The following AGPAT3 variants were observed in gnomAD, a reference collection of about 807,000 sequenced individuals.
AGPAT3 encodes 1-acylglycerol-3-phosphate O-acyltransferase 3.
In AGPAT3, 5 loss-of-function variants were observed where a neutral mutation model predicts 47.3. The observed-to-expected ratio is 0.11, with a 90% CI of 0.06 to 0.22. The LOEUF is 0.22. Ranked by LOEUF, AGPAT3 falls within the 10% of genes least tolerant of loss-of-function variation. The pLI is 1.00. For missense variants in AGPAT3, 315 were observed against 493.0 expected, an observed-to-expected ratio of 0.64 and a Z score of 3.42; for synonymous variants, 212 against 208.3, an observed-to-expected ratio of 1.02 and a Z score of -0.15.
intron 3 of AGPAT3, among the ~76,000 whole-genome samples, chr21:43,963,161 C>T (rs1251761870): frequency 2.0e-5 from 3 of 152,112 alleles, no homozygotes; most frequent in Non-Finnish European, 4.4e-5. Context: ...CATCCAGTGA[C>T]AGTAAAGGAG....
chr21:43,904,928 G>A (rs1044894154), intron 2 of AGPAT3, among the ~76,000 whole-genome samples: 12 of 152,168 alleles, frequency 7.9e-5, no homozygotes, highest in Admixed American at 4.6e-4. Context: ...GTAGGCAGGT[G>A]ATTTAGCCTT....
intron 1 of AGPAT3, among the ~76,000 whole-genome samples, chr21:43,885,954 C>T (rs998321455): frequency 3.9e-5 from 6 of 152,204 alleles, no homozygotes; most frequent in Admixed American, 2.6e-4. Context: ...CAGCAGCTGA[C>T]AGGAGGGAAG....
chr21:43,892,547 G>A (rs1171142002), intron 1 of AGPAT3, among the ~76,000 whole-genome samples: 1 of 152,192 alleles, frequency 6.6e-6, no homozygotes, highest in African/African-American at 2.4e-5. Context: ...CAGGTGTGCT[G>A]TCATCCAGGC....
chr21:43,892,975 A>G (rs781325145), intron 1 of AGPAT3, among the ~76,000 whole-genome samples: 1 of 152,196 alleles, frequency 6.6e-6, no homozygotes, highest in Non-Finnish European at 1.5e-5. Flanking sequence ...TGTGCCTGTC[A>G]TCTCAGCCTC....
intron 1 of AGPAT3, among the ~76,000 whole-genome samples, chr21:43,896,258 G>T (rs1380887829): frequency 6.6e-6 from 1 of 152,182 alleles, no homozygotes; most frequent in African/African-American, 2.4e-5. Flanking sequence ...ATAACTTTTT[G>T]TTACTTTTTT....
intron 1 of AGPAT3, among the ~76,000 whole-genome samples, chr21:43,897,843 T>C (rs1242253948): frequency 1.3e-5 from 2 of 152,204 alleles, no homozygotes; most frequent in Non-Finnish European, 2.9e-5. Flanking sequence ...CACTCCAGCC[T>C]GGGCAACATT....
chr21:43,902,863 G>A (rs1466977856), intron 1 of AGPAT3, among the ~76,000 whole-genome samples: 1 of 152,160 alleles, frequency 6.6e-6, no homozygotes, highest in Non-Finnish European at 1.5e-5. Context: ...ATCTGGGCAT[G>A]GTGGCATGCA....
In AGPAT3 at chr21:43,880,080, G is replaced by C. The variant is rs574713242; in HGVS notation, c.-112+14735G>C. The stretch of plus-strand genomic sequence containing the variant: ...AGCCCTGCATCCCTTGCGTCCCCAG[G>C]CATCTTAGGAGCACTGTGGAAACTC... On this transcript the variant is annotated intron_variant, in intron 1 of 9. Coordinates refer to ENST00000291572, the MANE Select transcript of AGPAT3 (RefSeq NM_020132.5). This position sits in a 1 kb window ranked among gnomAD's most constrained non-coding sequence, Gnocchi z 4.5. Among the ~76,000 whole-genome samples, 7 of 152,228 alleles carry C rather than the reference G, an allele frequency of 4.6e-5. No individual in the cohort carries two copies. Among genetic ancestry groups the C allele is most frequent in the African/African-American group, 1.2e-4 (5 of 41,456 alleles).
In AGPAT3 at chr21:43,987,222, C is replaced by T. The variant is rs1018941920; in HGVS notation, c.*4830C>T. ...AACCAGGGCCACCAGGCACTCCTGT[C>T]CCATGGGGCCACCCACCTTCAGAGC... On this transcript the variant is annotated 3_prime_UTR_variant, in exon 10 of 10. Transcript: ENST00000291572. Among the ~76,000 whole-genome samples, 10 of 152,244 alleles carry T rather than the reference C, an allele frequency of 6.6e-5. No homozygotes were observed. The highest frequency in any genetic ancestry group is 2.6e-4 in the Admixed American group (4 of 15,292).
chr21:43,968,193 A>G (rs1601451127), intron 4 of AGPAT3, 78 bp downstream of exon 4: 21 of 666,656 alleles, frequency 3.2e-5, no homozygotes, highest in South Asian at 8.0e-5. Context: ...GGACCCAGGG[A>G]GGGCCGGGGT....
In AGPAT3 at chr21:43,955,075, GC is replaced by G; in HGVS notation, c.-48-4558del. On this transcript the variant is annotated intron_variant, in intron 2 of 9. Coordinates refer to ENST00000291572, the MANE Select transcript of AGPAT3 (RefSeq NM_020132.5). The surrounding 1 kb of genome is among the most constrained non-coding windows in gnomAD (Gnocchi z 4.1). ...TGTGGCCCCCAAAGGCTGGGTGCCA[GC>G]TGCCTGTCGGCAGGGAGCGTATCAC... 1 of 1,245,058 alleles carries G rather than the reference GC, an allele frequency of 8.0e-7. No homozygotes were observed. Among genetic ancestry groups the G allele is most frequent in the African/African-American group, 1.5e-5 (1 of 64,588 alleles). The allele number at this position is 1,245,058 out of a possible 1,614,324, so 77.1% of individuals were successfully genotyped here. A position where few individuals can be genotyped will look rare whatever the true frequency, so the allele number is the denominator to read the frequency against.
At chr21:43,912,073 G>A (rs2146099997) in intron 2 of AGPAT3, among the ~76,000 whole-genome samples, 1 of 152,368 alleles carries the variant, frequency 6.6e-6, no homozygotes, top group East Asian at 1.9e-4. Context: ...GAGCCTAGAG[G>A]TATCTTAGTC....
Position 43,872,785 on chromosome 21 carries a change from T to C in AGPAT3, c.-112+7440T>C, listed in dbSNP as rs193021982. Among the ~76,000 whole-genome samples the C allele has an allele frequency of 1.8e-3, 269 of 152,368 alleles. 1 individual carries two copies. Among genetic ancestry groups the C allele is most frequent in the Middle Eastern group, 3.4e-3 (1 of 294 alleles). On this transcript the variant is annotated intron_variant, in intron 1 of 9. Transcript: ENST00000291572. Reference sequence around the variant, plus strand: ...CCTGTTCCTGATTTTAGGGAAATGCTTCTACCATGCTGCCTTCCGGTGTGG... The same window carrying C: ...CCTGTTCCTGATTTTAGGGAAATGCCTCTACCATGCTGCCTTCCGGTGTGG...
chr21:43,942,807 G>A (rs2087707804), intron 2 of AGPAT3, among the ~76,000 whole-genome samples: 1 of 152,190 alleles, frequency 6.6e-6, no homozygotes, highest in South Asian at 2.1e-4. Flanking sequence ...TCACTTGGCG[G>A]GAGGAGGGTG....
At chr21:43,892,425 T>C (rs2086121990) in intron 1 of AGPAT3, among the ~76,000 whole-genome samples, 1 of 152,246 alleles carries the variant, frequency 6.6e-6, no homozygotes, top group Admixed American at 6.5e-5. Context: ...CCAGAGCTTT[T>C]GGGTGACCAC....
chr21:43,870,565 A>C (rs961071305), intron 1 of AGPAT3, among the ~76,000 whole-genome samples: 10 of 151,026 alleles, frequency 6.6e-5, no homozygotes, highest in African/African-American at 2.4e-4. Context: ...AAAAAAAAAA[A>C]CCCAAAAATT....
chr21:43,893,937 C>G (rs2086156509), intron 1 of AGPAT3, among the ~76,000 whole-genome samples: 1 of 152,208 alleles, frequency 6.6e-6, no homozygotes, highest in South Asian at 2.1e-4. Flanking sequence ...AAATGTGACA[C>G]AGACGCCAGA....
chr21:43,977,603 C>T (rs188030298), intron 7 of AGPAT3, among the ~76,000 whole-genome samples: 261 of 152,306 alleles, frequency 1.7e-3, no homozygotes, highest in African/African-American at 5.8e-3. Flanking sequence ...AGAGGCTGGG[C>T]GCAGTGGCTC....
chr21:43,950,308 T>C (rs972716585), intron 2 of AGPAT3, among the ~76,000 whole-genome samples: 1 of 152,228 alleles, frequency 6.6e-6, no homozygotes, highest in Non-Finnish European at 1.5e-5. Flanking sequence ...ACTGACAGTT[T>C]CACCTCCTCC....
Sources: allele counts gnomAD v4.1 joint callset (sites outside exome capture counted in the v4.1 genomes callset), GRCh38; gene constraint gnomAD v4.1.1; non-coding constraint Gnocchi (gnomAD v3.1); transcripts MANE v1.5; gene names NCBI Gene and HGNC (gene_info 2026-07-23, HGNC 2026-07-21).